NCAM1: variants seen among roughly 807,000 people sequenced by gnomAD.
The protein encoded by NCAM1 is antigen recognized by monoclonal antibody 5.1H11.
A neutral mutation model predicts 109.8 loss-of-function variants in NCAM1; 14 were observed. The ratio of observed to expected loss-of-function variants is 0.13; its 90% confidence interval spans 0.08 to 0.20. The LOEUF (loss-of-function observed/expected upper bound fraction) is 0.20. NCAM1 is among the 10% of genes least tolerant of loss of function. The pLI is 1.00. For synonymous variants in NCAM1, 418 were observed against 442.9 expected, an observed-to-expected ratio of 0.94 and a Z score of 0.70; for missense variants, 774 against 1,109.9, an observed-to-expected ratio of 0.70 and a Z score of 4.30.
intron 1 of NCAM1, among the ~76,000 whole-genome samples, chr11:113,154,669 G>A (rs935631949): frequency 6.6e-6 from 1 of 152,112 alleles, no homozygotes; most frequent in African/African-American, 2.4e-5. Context: ...AGAGTTAAAC[G>A]TTTTAGTTGA....
chr11:113,088,444 G>T lies in NCAM1; in HGVS notation c.53-113935G>T, dbSNP rs890351535. On this transcript the variant is annotated intron_variant, in intron 1 of 19. Transcript: ENST00000316851. Reference sequence around the variant, plus strand: ...CCAGTAGGCTTTATTCTGAGTAGAAGCTGAAACCACATGGTGGGATTAGCT... The same window carrying T: ...CCAGTAGGCTTTATTCTGAGTAGAATCTGAAACCACATGGTGGGATTAGCT... Among the ~76,000 whole-genome samples the T allele has an allele frequency of 2.6e-5, 4 of 152,192 alleles. No individual in the cohort carries two copies. The South Asian group carries it at 8.3e-4, about 32-fold the overall frequency.
At chr11:113,114,928 A>G (rs182274465) in intron 1 of NCAM1, among the ~76,000 whole-genome samples, 2 of 152,336 alleles carry the variant, frequency 1.3e-5, no homozygotes, top group Admixed American at 6.5e-5. Context: ...CTGAAAATAA[A>G]GGAAGTCTTA....
chr11:113,127,059 T>C (rs1404199567), intron 1 of NCAM1, among the ~76,000 whole-genome samples: 2 of 152,196 alleles, frequency 1.3e-5, no homozygotes, highest in Non-Finnish European at 2.9e-5. Flanking sequence ...TCAGAGAAGA[T>C]AGTGATGTTT....
rs1395426720 is a variant in NCAM1 at position 113,247,569 on chromosome 11, C to CT, written c.1828+1202dup. ...CATTTCCCATCTCTGAGCCCCTCAG[C>CT]TTTATAGGGATGTCAGCTTGGCCCC... On this transcript the variant is annotated intron_variant, in intron 15 of 19. Transcript: ENST00000316851. Among the ~76,000 whole-genome samples the CT allele has an allele frequency of 2.0e-5, 3 of 152,192 alleles. No individual in the cohort carries two copies. In the East Asian group the frequency reaches 5.8e-4, roughly 29 times the overall value.
chr11:113,237,343 A>G (rs1441209645), intron 14 of NCAM1, among the ~76,000 whole-genome samples: 1 of 152,236 alleles, frequency 6.6e-6, no homozygotes, highest in South Asian at 2.1e-4. Flanking sequence ...AAAGGTACCC[A>G]AGGAAGCTTA....
intron 1 of NCAM1, among the ~76,000 whole-genome samples, chr11:113,143,704 C>A (rs1941914267): frequency 6.6e-6 from 1 of 152,158 alleles, no homozygotes; most frequent in African/African-American, 2.4e-5. Flanking sequence ...AGTTAAATTG[C>A]AGGGCTGGAA....
At chr11:113,062,147 GT>G (rs1390538158) in intron 1 of NCAM1, among the ~76,000 whole-genome samples, 3 of 152,192 alleles carry the variant, frequency 2.0e-5, no homozygotes, top group African/African-American at 7.2e-5. Context: ...CACTAGCGAT[GT>G]TTAGTAAATT....
At chr11:113,018,438 T>C (rs139685108) in intron 1 of NCAM1, among the ~76,000 whole-genome samples, 1 of 152,326 alleles carries the variant, frequency 6.6e-6, no homozygotes, top group East Asian at 1.9e-4. Flanking sequence ...ATGAATCTGT[T>C]TGGGCAACCC....
intron 1 of NCAM1, among the ~76,000 whole-genome samples, chr11:113,072,222 A>G (rs1182672914): frequency 2.6e-5 from 4 of 152,208 alleles, no homozygotes; most frequent in South Asian, 4.1e-4. Flanking sequence ...TGATTTGGCC[A>G]ATGGTTACAC....
intron 1 of NCAM1, among the ~76,000 whole-genome samples, chr11:113,051,928 GT>G (rs1192138550): frequency 6.6e-6 from 1 of 152,180 alleles, no homozygotes. Context: ...ACCTGTTACA[GT>G]TTGCCCACCT....
intron 1 of NCAM1, among the ~76,000 whole-genome samples, chr11:113,072,961 G>T: frequency 1.3e-5 from 2 of 151,526 alleles, no homozygotes; most frequent in African/African-American, 2.4e-5. Flanking sequence ...ATCCATCTCC[G>T]GAATTCTTTT....
chr11:113,149,365 G>A (rs577582287), intron 1 of NCAM1, among the ~76,000 whole-genome samples: 4 of 152,168 alleles, frequency 2.6e-5, no homozygotes, highest in Non-Finnish European at 5.9e-5. Flanking sequence ...TATTAAGGAA[G>A]AGATTGGATT....
chr11:113,104,227 T>G (rs1459861735), intron 1 of NCAM1, among the ~76,000 whole-genome samples: 796 of 64,444 alleles, frequency 0.012, no homozygotes, highest in Middle Eastern at 0.025. Flanking sequence ...GGCGGGGTGG[T>G]GGTGGCGGTG....
chr11:113,036,122 G>A (rs1221241874), intron 1 of NCAM1, among the ~76,000 whole-genome samples: 2 of 151,828 alleles, frequency 1.3e-5, no homozygotes, highest in Non-Finnish European at 2.9e-5. Context: ...GCTCTTCCAA[G>A]CCATTTCCAC....
At chr11:113,104,380 A>G (rs1362121636) in intron 1 of NCAM1, among the ~76,000 whole-genome samples, 1 of 151,650 alleles carries the variant, frequency 6.6e-6, no homozygotes, top group Non-Finnish European at 1.5e-5. Flanking sequence ...TTTTTCTATT[A>G]CAAGAAATTT....
At chr11:113,174,529 T>C (rs891111047) in intron 1 of NCAM1, among the ~76,000 whole-genome samples, 2 of 152,354 alleles carry the variant, frequency 1.3e-5, no homozygotes, top group South Asian at 2.1e-4. Context: ...AGGGGTCTTA[T>C]GTGCACATGA....
intron 1 of NCAM1, among the ~76,000 whole-genome samples, chr11:113,018,931 A>G (rs1952295889): frequency 6.6e-6 from 1 of 152,066 alleles, no homozygotes. Flanking sequence ...GAAAGTGCTT[A>G]TACAGATTTA....
intron 1 of NCAM1, among the ~76,000 whole-genome samples, chr11:113,113,770 A>ATT (rs1555094263): frequency 9.3e-5 from 14 of 150,000 alleles, no homozygotes; most frequent in South Asian, 2.1e-4. Flanking sequence ...GTTCTTTTAA[A>ATT]AAAAAAAAAA....
Position 113,225,367 on chromosome 11 carries a change from A to C in NCAM1, c.1089+4042A>C, listed in dbSNP as rs1410798855. Among the ~76,000 whole-genome samples the C allele has an allele frequency of 2.6e-5, 4 of 152,356 alleles. No homozygotes were observed. In the East Asian group the frequency reaches 7.7e-4, roughly 29 times the overall value. On this transcript the variant is annotated intron_variant, in intron 9 of 19. Transcript: ENST00000316851. ...ATCAAATGAATGAAATGAAGTGAGA[A>C]GAGAAGTTTAGAGAAAAAAGAATAA... is the stretch of plus-strand genomic sequence containing the variant.
Sources: gnomAD v4.1 joint callset for allele counts (sites outside exome capture counted in the v4.1 genomes callset) on GRCh38, gnomAD v4.1.1 for gene constraint, MANE v1.5 for transcripts, NCBI Gene and HGNC (gene_info 2026-07-23, HGNC 2026-07-21) for gene names.